Variants in NPEPPS observed in about 807,000 individuals in gnomAD.
NPEPPS encodes the protein aminopeptidase puromycin sensitive, also known as puromycin-sensitive aminopeptidase.
A neutral mutation model predicts 115.5 loss-of-function variants in NPEPPS; 14 were observed. That is an observed-to-expected ratio of 0.12 (90% CI 0.08 to 0.19). NPEPPS has a LOEUF of 0.19. Among genes scored for constraint, NPEPPS ranks in the 10% least tolerant of loss-of-function variants. NPEPPS has a pLI of 1.00. For missense variants in NPEPPS, 523 were observed against 1,110.8 expected (o/e 0.47, Z 7.52); for synonymous variants, 285 against 390.6 (o/e 0.73, Z 3.19).
intron 2 of NPEPPS, among the ~76,000 whole-genome samples, chr17:47,562,244 G>A (rs1316836771): frequency 6.6e-6 from 1 of 152,246 alleles, no homozygotes; most frequent in Admixed American, 6.5e-5. Context: ...AGTTCTGGAT[G>A]AGGCCTAGCC....
chr17:47,537,309 T>C (rs939221858), intron 1 of NPEPPS, among the ~76,000 whole-genome samples: 4 of 152,236 alleles, frequency 2.6e-5, no homozygotes, highest in African/African-American at 9.6e-5. Context: ...TTTTGTATGC[T>C]AAGCTTTGTC....
intron 17 of NPEPPS, among the ~76,000 whole-genome samples, chr17:47,609,314 C>G (rs533160984): frequency 5.9e-4 from 90 of 152,236 alleles, no homozygotes; most frequent in African/African-American, 2.0e-3. Flanking sequence ...GACACAGATG[C>G]AGGTAAATTA....
chr17:47,547,869 A>T (rs1230393145), intron 2 of NPEPPS, among the ~76,000 whole-genome samples: 1 of 152,044 alleles, frequency 6.6e-6, no homozygotes, highest in African/African-American at 2.4e-5. Flanking sequence ...TACTAAAAAT[A>T]CAAAAAATCA....
intron 17 of NPEPPS, among the ~76,000 whole-genome samples, chr17:47,607,123 C>A (rs924241378): frequency 6.6e-6 from 1 of 152,060 alleles, no homozygotes; most frequent in Non-Finnish European, 1.5e-5. Context: ...ACCCAGGGGG[C>A]AGAGGCTGCA....
chr17:47,531,080 C>T (rs1907706727), upstream of NPEPPS: 10 of 616,096 alleles, frequency 1.6e-5, no homozygotes, highest in Non-Finnish European at 2.5e-5. Context: ...GCCCGGCCGG[C>T]GGGGCCGCGC....
intron 14 of NPEPPS, among the ~76,000 whole-genome samples, chr17:47,600,141 ATATC>A (rs1193780395): frequency 6.6e-6 from 1 of 152,118 alleles, no homozygotes; most frequent in Non-Finnish European, 1.5e-5. Flanking sequence ...TTTAATGAAT[ATATC>A]TAACAAAGCT....
chr17:47,579,569 C>T (rs2317816), intron 4 of NPEPPS, 58 bp downstream of exon 4: 2 of 1,531,726 alleles, frequency 1.3e-6, no homozygotes, highest in African/African-American at 2.8e-5. Context: ...TCTGACAAAG[C>T]TGTGTTTTAT....
intron 2 of NPEPPS, among the ~76,000 whole-genome samples, chr17:47,550,403 C>G (rs1371452486): frequency 6.8e-6 from 1 of 147,378 alleles, no homozygotes; most frequent in Admixed American, 6.8e-5. Context: ...TGTCGGCTCA[C>G]TGCAACTAGT....
At chr17:47,579,600 G>C in intron 4 of NPEPPS, 89 bp downstream of exon 4, 1 of 1,425,104 alleles carries the variant, frequency 7.0e-7, no homozygotes, top group African/African-American at 1.5e-5. Context: ...GATTATTTGA[G>C]GCTAGGTGCC....
At chr17:47,612,036 A>G (rs1367420604) in intron 17 of NPEPPS, among the ~76,000 whole-genome samples, 1 of 152,162 alleles carries the variant, frequency 6.6e-6, no homozygotes, top group Non-Finnish European at 1.5e-5. Flanking sequence ...GGAGGAATGG[A>G]CCCATCAGAT....
chr17:47,617,509 A>AT (rs386364992), intron 19 of NPEPPS, among the ~76,000 whole-genome samples: 1 of 125,258 alleles, frequency 8.0e-6, no homozygotes, highest in Non-Finnish European at 1.8e-5. Flanking sequence ...ATATATATAT[A>AT]TATTTTTTAG....
At chr17:47,554,507 G>A (rs1312759363) in intron 2 of NPEPPS, among the ~76,000 whole-genome samples, 1 of 152,076 alleles carries the variant, frequency 6.6e-6, no homozygotes, top group African/African-American at 2.4e-5. Flanking sequence ...GACTATAGGT[G>A]TGCACCAACA....
chr17:47,565,599 C>T (rs959002871), intron 2 of NPEPPS, among the ~76,000 whole-genome samples: 7 of 150,212 alleles, frequency 4.7e-5, no homozygotes, highest in African/African-American at 9.8e-5. Flanking sequence ...GCAGGAGGAT[C>T]GCTTGAGCTC....
chr17:47,580,489 A>G (rs914504904), intron 4 of NPEPPS: 1 of 152,104 alleles, frequency 6.6e-6, no homozygotes, highest in Non-Finnish European at 1.5e-5. Flanking sequence ...TTTATACATG[A>G]CCAGATTTAC....
chr17:47,549,533 ATT>A (rs929711666), intron 2 of NPEPPS, among the ~76,000 whole-genome samples: 2 of 152,010 alleles, frequency 1.3e-5, no homozygotes, highest in Non-Finnish European at 2.9e-5. Flanking sequence ...TAATCCCAGC[ATT>A]TTGGGAGGGC....
chr17:47,572,541 C>T (rs543931106), intron 3 of NPEPPS, among the ~76,000 whole-genome samples: 5 of 151,278 alleles, frequency 3.3e-5, no homozygotes, highest in African/African-American at 9.7e-5. Flanking sequence ...GAAAGCATTG[C>T]GTTCATTAAA....
At chr17:47,611,670 G>C (rs1913885573) in intron 17 of NPEPPS, among the ~76,000 whole-genome samples, 1 of 151,852 alleles carries the variant, frequency 6.6e-6, no homozygotes, top group African/African-American at 2.4e-5. Context: ...ACAGGGTCTT[G>C]CTGTGTTGCT....
chr17:47,599,220 C>G (rs1913046955), intron 13 of NPEPPS, among the ~76,000 whole-genome samples: 2 of 152,242 alleles, frequency 1.3e-5, no homozygotes, highest in African/African-American at 2.4e-5. Context: ...TAATTAGTAT[C>G]TAGTGTTAAC....
chr17:47,529,737 TTATATATA>T (rs56043348), upstream of NPEPPS, among the ~76,000 whole-genome samples: 38 of 25,658 alleles, frequency 1.5e-3, 8 homozygotes, highest in Non-Finnish European at 3.0e-3. Context: ...TTCAGTTACA[TTATATATA>T]TATATATATA....
Sources: gnomAD v4.1 joint callset for allele counts (sites outside exome capture counted in the v4.1 genomes callset) on GRCh38, gnomAD v4.1.1 for gene constraint, MANE v1.5 for transcripts, NCBI Gene and HGNC (gene_info 2026-07-23, HGNC 2026-07-21) for gene names.